C20orf144: variants seen among roughly 807,000 people sequenced by gnomAD.
The protein encoded by C20orf144 is chromosome 20 open reading frame 144, also known as uncharacterized protein C20orf144.
C20orf144 carries 8 observed loss-of-function variants against 3.8 expected under a neutral mutation model. The observed-to-expected ratio is 2.11, with a 90% CI of 1.24 to 3.80. The LOEUF (loss-of-function observed/expected upper bound fraction) is 3.80, where lower values mean the gene tolerates loss of function less well. C20orf144 is among the 30% of genes most tolerant of loss of function. The probability of loss-of-function intolerance (pLI) is 0.00; values close to 1 mark genes in which losing one functional copy is unlikely to be tolerated. For synonymous variants in C20orf144, 126 were observed against 104.1 expected, an observed-to-expected ratio of 1.21 and a Z score of -1.28; for missense variants, 289 against 224.5, an observed-to-expected ratio of 1.29 and a Z score of -1.83.
intron 1 of C20orf144, 62 bp from the exon 2 acceptor site, chr20:33,663,470 C>G (rs1320510330): frequency 1.3e-6 from 2 of 1,524,072 alleles, no homozygotes; most frequent in Non-Finnish European, 1.8e-6. Context: ...CGCGGAGCGG[C>G]CCCGGGTCGT....
chr20:33,663,721 C>A lies in C20orf144; in HGVS notation c.316C>A (p.Arg106=). ...LLLLRRQEAR[R]PEEGGARAAL... ...GCTGCTGCGGCGGCAAGAGGCGCGGCGGCCGGAAGAGGGCGGGGCCAGGGC... is the reference window on the plus strand; with the variant it reads ...GCTGCTGCGGCGGCAAGAGGCGCGGAGGCCGGAAGAGGGCGGGGCCAGGGC... The change falls in exon 2 of 2, where the codon CGG becomes AGG. Residue 106 remains arginine, a synonymous_variant. Transcript: ENST00000375222. The A allele has an allele frequency of 6.5e-7, 1 of 1,538,566 alleles. No individual in the cohort carries two copies.
rs1196271932 is a variant in C20orf144 at position 33,663,571 on chromosome 20, C to A, written c.166C>A (p.Pro56Thr). The A allele has an allele frequency of 3.1e-6, 5 of 1,611,262 alleles. No individual in the cohort carries two copies. Among genetic ancestry groups the A allele is most frequent in the Non-Finnish European group, 4.2e-6 (5 of 1,179,662 alleles). The change falls in exon 2 of 2, where the codon CCG becomes ACG. Residue 56 changes from proline (P) to threonine (T), a missense_variant. By Grantham distance (38) the Pro-to-Thr change is conservative. Coordinates refer to ENST00000375222, the MANE Select transcript of C20orf144 (RefSeq NM_080825.4). Reference sequence around the variant, plus strand: ...GATTCTCCCCCTGGACAAGCGGCAGCCGCTGGCCAACGCTGGGCAACGGAT... The same window carrying A: ...GATTCTCCCCCTGGACAAGCGGCAGACGCTGGCCAACGCTGGGCAACGGAT... ...VLILPLDKRQ[P>T]LANAGQRIDY...
Position 33,663,658 on chromosome 20 carries a change from G to T in C20orf144, c.253G>T (p.Glu85Ter). The T allele has an allele frequency of 5.7e-6, 9 of 1,589,700 alleles. No homozygotes were observed. The highest frequency in any genetic ancestry group is 7.7e-6 in the Non-Finnish European group (9 of 1,174,018). Residue 85 changes from glutamate to a stop codon, truncating the protein, a stop_gained, in exon 2 of 2, where the codon GAA becomes TAA. Coordinates refer to ENST00000375222, the MANE Select transcript of C20orf144 (RefSeq NM_080825.4). LOFTEE classifies it low-confidence loss of function (END_TRUNC). Reference protein sequence around the residue: ...PAAPRLRGAGEGSEREPRMPV... With the variant: ...PAAPRLRGAG Reference sequence around the variant, plus strand: ...GGCACCCAGATTGCGCGGAGCGGGCGAAGGTAGCGAGCGCGAGCCGAGGAT... The same window carrying T: ...GGCACCCAGATTGCGCGGAGCGGGCTAAGGTAGCGAGCGCGAGCCGAGGAT...
chr20:33,662,700 T>C, intron 1 of C20orf144: 1 of 510,756 alleles, frequency 2.0e-6, no homozygotes. Context: ...AACACGTTGG[T>C]AGGCCAAGGT....
intron 1 of C20orf144, 126 bp from the exon 2 acceptor site, chr20:33,663,406 T>A (rs1377545068): frequency 1.9e-6 from 2 of 1,039,378 alleles, no homozygotes; most frequent in African/African-American, 3.3e-5. Context: ...CACGAGAGGA[T>A]GACAGGACCC....
chr20:33,663,698 T>TGCTGCG lies in C20orf144; in HGVS notation c.296_301dup (p.Leu99_Arg100dup), dbSNP rs2017561225. 6.4e-7 allele frequency: 1 copy of TGCTGCG among 1,570,284 alleles called. No homozygotes were observed. Among genetic ancestry groups the TGCTGCG allele is most frequent in the African/African-American group, 1.4e-5 (1 of 73,066 alleles). On this transcript the variant is annotated inframe_insertion, in exon 2 of 2. Transcript: ENST00000375222. Reference sequence around the variant, plus strand: ...GAGCCGAGGATGCCGGTACTGCTGCTGCTGCGGCGGCAAGAGGCGCGGCGG... The same window carrying TGCTGCG: ...GAGCCGAGGATGCCGGTACTGCTGCTGCTGCGGCTGCGGCGGCAAGAGGCGCGGCGG...
In C20orf144 at chr20:33,663,717, G is replaced by A; in HGVS notation, c.312G>A (p.Ala104=). 6.5e-7 allele frequency: 1 copy of A among 1,533,580 alleles called. No homozygotes were observed. The highest frequency in any genetic ancestry group is 2.4e-5 in the East Asian group (1 of 41,024). The allele number at this position is 1,533,580 out of a possible 1,614,324, so 95.0% of individuals were successfully genotyped here. ...TGCTGCTGCTGCGGCGGCAAGAGGC[G>A]CGGCGGCCGGAAGAGGGCGGGGCCA... ...PVLLLLRRQE[A]RRPEEGGARA... is the part of the protein sequence containing the mutation. Residue 104 remains alanine (A), a synonymous_variant, in exon 2 of 2, where the codon GCG becomes GCA. Transcript: ENST00000375222.
chr20:33,663,789 G>A lies in C20orf144; in HGVS notation c.384G>A (p.Pro128=), dbSNP rs937242793. The A allele has an allele frequency of 1.5e-5, 19 of 1,302,188 alleles. No individual in the cohort carries two copies. Among genetic ancestry groups the A allele is most frequent in the Non-Finnish European group, 1.9e-5 (19 of 1,023,946 alleles). The allele number at this position is 1,302,188 out of a possible 1,614,324, so 80.7% of individuals were successfully genotyped here. Reference sequence around the variant, plus strand: ...GGCTGCTCTCGCGCTTCCGGTCCCCGGGGAAGGCTCCCCGCGAAGCCGGCC... The same window carrying A: ...GGCTGCTCTCGCGCTTCCGGTCCCCAGGGAAGGCTCCCCGCGAAGCCGGCC... ...WPRLLSRFRS[P]GKAPREAGPA... The change falls in exon 2 of 2, where the codon CCG becomes CCA. Residue 128 remains proline (P), a synonymous_variant. Coordinates refer to ENST00000375222, the MANE Select transcript of C20orf144 (RefSeq NM_080825.4).
In C20orf144 at chr20:33,663,557, T is replaced by A; in HGVS notation, c.152T>A (p.Leu51Gln). The A allele has an allele frequency of 6.2e-7, 1 of 1,606,456 alleles. No individual in the cohort carries two copies. The highest frequency in any genetic ancestry group is 8.5e-7 in the Non-Finnish European group (1 of 1,175,234). ...ACCAGGATCGTGCTGATTCTCCCCC[T>A]GGACAAGCGGCAGCCGCTGGCCAAC... ...PATRIVLILP[L>Q]DKRQPLANAG... Residue 51 changes from leucine to glutamine, a missense_variant, in exon 2 of 2, where the codon CTG (leucine) becomes CAG (glutamine). Coordinates refer to ENST00000375222, the MANE Select transcript of C20orf144 (RefSeq NM_080825.4).
chr20:33,663,512 C>A lies in C20orf144; in HGVS notation c.127-20C>A, dbSNP rs1202455385. 6.2e-7 allele frequency: 1 copy of A among 1,601,936 alleles called. No homozygotes were observed. Among genetic ancestry groups the A allele is most frequent in the Middle Eastern group, 1.8e-4 (1 of 5,612 alleles). On this transcript the variant is annotated intron_variant, in intron 1 of 1. Coordinates refer to ENST00000375222, the MANE Select transcript of C20orf144 (RefSeq NM_080825.4). ...GGCCCTAGCGCGCTCTCCCGCCTCA[C>A]GCCCCTGTTCCACCCCCAGACCAGG... is the stretch of plus-strand genomic sequence containing the variant.
Position 33,663,530 on chromosome 20 carries a change from A to T in C20orf144, c.127-2A>T, listed in dbSNP as rs764332862. 1.9e-6 allele frequency: 3 copies of T among 1,607,968 alleles called. No individual in the cohort carries two copies. In the South Asian group the frequency reaches 3.3e-5, roughly 18 times the overall value. On this transcript the variant is annotated splice_acceptor_variant, in intron 1 of 1. Coordinates refer to ENST00000375222, the MANE Select transcript of C20orf144 (RefSeq NM_080825.4). LOFTEE classifies it high-confidence loss of function. Reference sequence around the variant, plus strand: ...CGCCTCACGCCCCTGTTCCACCCCCAGACCAGGATCGTGCTGATTCTCCCC... The same window carrying T: ...CGCCTCACGCCCCTGTTCCACCCCCTGACCAGGATCGTGCTGATTCTCCCC...
At chr20:33,662,976 T>C (rs2017528495) in intron 1 of C20orf144, among the ~76,000 whole-genome samples, 1 of 152,112 alleles carries the variant, frequency 6.6e-6, no homozygotes, top group Non-Finnish European at 1.5e-5. Flanking sequence ...GGGCAGAGAT[T>C]CCAGAACCAG....
At position 33,663,802 on chromosome 20, in the gene C20orf144, C is replaced by G. The variant is rs915206130; in HGVS notation, c.397C>G (p.Arg133Gly). The G allele has an allele frequency of 2.1e-6, 3 of 1,418,686 alleles. No individual in the cohort carries two copies. The highest frequency in any genetic ancestry group is 3.2e-5 in the Admixed American group (1 of 31,352). 87.9% of individuals were successfully genotyped at this position (1,418,686 alleles called of 1,614,324 possible). A position where few individuals can be genotyped will look rare whatever the true frequency, so the allele number is the denominator to read the frequency against. The change falls in exon 2 of 2, where the codon CGC (arginine) becomes GGC (glycine). Residue 133 changes from arginine to glycine, a missense_variant. By Grantham distance (125) the Arg-to-Gly change is moderately radical (BLOSUM62 -2). Coordinates refer to ENST00000375222, the MANE Select transcript of C20orf144 (RefSeq NM_080825.4). ...CTTCCGGTCCCCGGGGAAGGCTCCC[C>G]GCGAAGCCGGCCCCGCCGAGGAGCA... is the stretch of plus-strand genomic sequence containing the variant. ...SRFRSPGKAP[R>G]EAGPAEEQPR... is the part of the protein sequence containing the mutation.
At position 33,663,764 on chromosome 20, in the gene C20orf144, G is replaced by T. The variant is rs982224651; in HGVS notation, c.359G>T (p.Arg120Leu). ...GCCAGGGCAGCTCTGAGCTGGCCGC[G>T]GCTGCTCTCGCGCTTCCGGTCCCCG... is the stretch of plus-strand genomic sequence containing the variant. ...GGARAALSWP[R>L]LLSRFRSPGK... Residue 120 changes from arginine to leucine, a missense_variant, in exon 2 of 2, where the codon CGG (arginine) becomes CTG (leucine). Transcript: ENST00000375222. 3 of 1,452,684 alleles carry T rather than the reference G, an allele frequency of 2.1e-6. No individual in the cohort carries two copies. In the African/African-American group the frequency reaches 4.5e-5, roughly 22 times the overall value. 90.0% of individuals were successfully genotyped at this position (1,452,684 alleles called of 1,614,324 possible).
At chr20:33,663,417 G>C (rs1166303330) in intron 1 of C20orf144, 115 bp from the exon 2 acceptor site, 7 of 1,129,756 alleles carry the variant, frequency 6.2e-6, no homozygotes, top group Non-Finnish European at 7.3e-6. Context: ...GACAGGACCC[G>C]GGTGGACGAC....
chr20:33,663,363 C>T, intron 1 of C20orf144, 169 bp from the exon 2 acceptor site: 1 of 681,004 alleles, frequency 1.5e-6, no homozygotes, highest in South Asian at 2.1e-5. Flanking sequence ...TCCCCGCGGC[C>T]TGAATTGGAC....
Position 33,663,885 on chromosome 20 carries a change from C to T in C20orf144, c.*18C>T, listed in dbSNP as rs2017575593. On this transcript the variant is annotated 3_prime_UTR_variant, in exon 2 of 2. Coordinates refer to ENST00000375222, the MANE Select transcript of C20orf144 (RefSeq NM_080825.4). Reference sequence around the variant, plus strand: ...AGCTTTAAACGCTTGGCCCGGACCCCGCCCAATAAAGAGTGCGTGGCAACC... The same window carrying T: ...AGCTTTAAACGCTTGGCCCGGACCCTGCCCAATAAAGAGTGCGTGGCAACC... 5.1e-6 allele frequency: 7 copies of T among 1,380,546 alleles called. No individual in the cohort carries two copies. Among genetic ancestry groups the T allele is most frequent in the Non-Finnish European group, 6.5e-6 (7 of 1,075,368 alleles). 85.5% of individuals were successfully genotyped at this position (1,380,546 alleles called of 1,614,324 possible).
Position 33,663,518 on chromosome 20 carries a change from TG to T in C20orf144, c.127-13del. On this transcript the variant is annotated splice_polypyrimidine_tract_variant and intron_variant, in intron 1 of 1. Coordinates refer to ENST00000375222, the MANE Select transcript of C20orf144 (RefSeq NM_080825.4). ...AGCGCGCTCTCCCGCCTCACGCCCC[TG>T]TTCCACCCCCAGACCAGGATCGTGC... 1 of 1,605,500 alleles carries T rather than the reference TG, an allele frequency of 6.2e-7. No homozygotes were observed. The highest frequency in any genetic ancestry group is 8.5e-7 in the Non-Finnish European group (1 of 1,178,522).
intron 1 of C20orf144, chr20:33,663,261 G>T: frequency 1.9e-6 from 1 of 530,322 alleles, no homozygotes; most frequent in South Asian, 2.4e-5. Flanking sequence ...CATAAACTTA[G>T]ACGGAGCTGG....
Sources: allele counts gnomAD v4.1 joint callset (sites outside exome capture counted in the v4.1 genomes callset), GRCh38; gene constraint gnomAD v4.1.1; transcripts MANE v1.5; gene names NCBI Gene and HGNC (gene_info 2026-07-23, HGNC 2026-07-21).